The following DCHS2 variants were observed in gnomAD, a reference collection of about 807,000 sequenced individuals.
The protein encoded by DCHS2 is dachsous cadherin-related 2.
A neutral mutation model predicts 182.4 loss-of-function variants in DCHS2; 142 were observed. That is an observed-to-expected ratio of 0.78 (90% confidence interval 0.68 to 0.89). DCHS2 has a LOEUF of 0.89. DCHS2 is among the 40% of genes least tolerant of loss of function. DCHS2 has a pLI of 0.00. For missense variants in DCHS2, 4,319 were observed against 4,198.6 expected (o/e 1.03, Z -0.79); for synonymous variants, 1,740 against 1,663.3 (o/e 1.05, Z -1.12).
chr4:154,252,159 C>A (rs1732398023), intron 16 of DCHS2, among the ~76,000 whole-genome samples: 1 of 151,816 alleles, frequency 6.6e-6, no homozygotes, highest in Admixed American at 6.6e-5. Context: ...AATAGGAAAT[C>A]TTTTCTTTTT....
intron 3 of DCHS2, among the ~76,000 whole-genome samples, chr4:154,341,727 C>G (rs1314334581): frequency 1.3e-5 from 2 of 152,046 alleles, no homozygotes; most frequent in Non-Finnish European, 2.9e-5. Flanking sequence ...TTACTAGGCT[C>G]TAAGTAATTT....
At position 154,490,003 on chromosome 4, in the gene DCHS2, T is replaced by C. The variant is rs923308461; in HGVS notation, c.1353A>G (p.Glu451=). The change falls in exon 1 of 20, where the codon GAA becomes GAG. Residue 451 remains glutamate, a synonymous_variant. Coordinates refer to ENST00000357232, the MANE Select transcript of DCHS2 (RefSeq NM_001358235.2). ...VSDADGDWEK[E]DEATGELGVG... is the part of the protein sequence containing the mutation. ...CACCAAGCTCCCCTGTGGCCTCATC[T>C]TCCTTCTCCCAGTCACCGTCCGCGT... 1.9e-6 allele frequency: 3 copies of C among 1,549,492 alleles called. No individual in the cohort carries two copies. The highest frequency in any genetic ancestry group is 2.6e-6 in the Non-Finnish European group (3 of 1,146,876).
At chr4:154,365,545 C>T (rs918262022) in intron 3 of DCHS2, among the ~76,000 whole-genome samples, 4 of 151,714 alleles carry the variant, frequency 2.6e-5, no homozygotes, top group Non-Finnish European at 4.4e-5. Flanking sequence ...ATCATAGCTT[C>T]ATATCTCACT....
intron 1 of DCHS2, among the ~76,000 whole-genome samples, chr4:154,486,126 G>A (rs553823084): frequency 8.5e-5 from 13 of 152,308 alleles, no homozygotes; most frequent in Admixed American, 7.8e-4. Flanking sequence ...AAGTCCAGAC[G>A]AGTGCCTACA....
intron 1 of DCHS2, among the ~76,000 whole-genome samples, chr4:154,450,376 C>T (rs1363570680): frequency 6.6e-6 from 1 of 152,204 alleles, no homozygotes; most frequent in African/African-American, 2.4e-5. Context: ...TTCCAAAAGA[C>T]ATGCTCACAT....
At chr4:154,277,534 C>T (rs1369828313) in intron 13 of DCHS2, among the ~76,000 whole-genome samples, 3 of 150,650 alleles carry the variant, frequency 2.0e-5, no homozygotes, top group Non-Finnish European at 2.9e-5. Flanking sequence ...CCCCCAGAAT[C>T]TGTAGCCAGG....
At chr4:154,308,299 GAAGGCATGAGGAAGAGAGAAGTAAAA>G (rs891256277) in intron 10 of DCHS2, among the ~76,000 whole-genome samples, 1 of 151,612 alleles carries the variant, frequency 6.6e-6, no homozygotes, top group African/African-American at 2.4e-5. Context: ...GGGAGGGGAG[GAAGGCATGAGGAAGAGAGAAGTAAAA>G]AATAAAAGAA....
rs1731553742 is a variant in DCHS2, at chr4:154,236,987, A to T, written c.7665T>A (p.Asn2555Lys). The part of the protein sequence containing the change: ...YAPEFTVKSY[N>K]LSLSEDALVG... Reference sequence around the variant, plus strand: ...CCAGAGCATCCTCACTTAGGCTAAGATTATAGGATTTGACTGTGAATTCAG... The same window carrying T: ...CCAGAGCATCCTCACTTAGGCTAAGTTTATAGGATTTGACTGTGAATTCAG... Residue 2555 changes from asparagine (N) to lysine (K), a missense_variant, in exon 20 of 20, where the codon AAT (asparagine) becomes AAA (lysine). By Grantham distance (94) the Asn-to-Lys change is moderately conservative. Coordinates refer to ENST00000357232, the MANE Select transcript of DCHS2 (RefSeq NM_001358235.2). 2 of 1,613,906 alleles carry T rather than the reference A, an allele frequency of 1.2e-6. No individual in the cohort carries two copies. The highest frequency in any genetic ancestry group is 1.7e-5 in the Admixed American group (1 of 59,992).
intron 1 of DCHS2, among the ~76,000 whole-genome samples, chr4:154,446,585 G>T (rs140356929): frequency 2.6e-5 from 4 of 152,258 alleles, no homozygotes; most frequent in African/African-American, 9.6e-5. Flanking sequence ...GTCAGAGAGT[G>T]TTTATGACCT....
At chr4:154,414,760 C>T (rs535398797) in intron 1 of DCHS2, among the ~76,000 whole-genome samples, 126 of 152,014 alleles carry the variant, frequency 8.3e-4, no homozygotes, top group African/African-American at 2.9e-3. Flanking sequence ...TTTAGGTATT[C>T]GTGATAGAGA....
chr4:154,357,175 G>C (rs1294975637), intron 3 of DCHS2: 5 of 1,331,574 alleles, frequency 3.8e-6, no homozygotes, highest in African/African-American at 2.9e-5. Context: ...CCTTTTTGGT[G>C]AATGCTTCTG....
chr4:154,257,447 T>C (rs2111162563), intron 15 of DCHS2, among the ~76,000 whole-genome samples: 2 of 152,332 alleles, frequency 1.3e-5, no homozygotes, highest in South Asian at 4.1e-4. Context: ...ATGAATTGGC[T>C]GTAATTTGTC....
chr4:154,400,612 C>T (rs1732132924), intron 1 of DCHS2, among the ~76,000 whole-genome samples: 1 of 152,128 alleles, frequency 6.6e-6, no homozygotes, highest in African/African-American at 2.4e-5. Flanking sequence ...AAGAAGAATG[C>T]GGCTCTTCAC....
chr4:154,369,251 G>A (rs940545502), intron 2 of DCHS2, among the ~76,000 whole-genome samples: 1 of 152,150 alleles, frequency 6.6e-6, no homozygotes, highest in Non-Finnish European at 1.5e-5. Context: ...AAAAAGGGGG[G>A]AAAATGCTGA....
chr4:154,452,112 T>A (rs72969967), intron 1 of DCHS2, among the ~76,000 whole-genome samples: 11 of 152,226 alleles, frequency 7.2e-5, no homozygotes, highest in African/African-American at 2.6e-4. Flanking sequence ...AAACACAAAA[T>A]CCATAATGCC....
chr4:154,489,393 C>T lies in DCHS2; in HGVS notation c.1963G>A (p.Asp655Asn). 1.3e-6 allele frequency: 2 copies of T among 1,551,700 alleles called. No individual in the cohort carries two copies. Among genetic ancestry groups the T allele is most frequent in the Non-Finnish European group, 1.7e-6 (2 of 1,146,966 alleles). The change falls in exon 1 of 20, where the codon GAT becomes AAT. Residue 655 changes from aspartate (D) to asparagine (N), a missense_variant. By Grantham distance (23) the Asp-to-Asn change is conservative (BLOSUM62 1). Coordinates refer to ENST00000357232, the MANE Select transcript of DCHS2 (RefSeq NM_001358235.2). ...ATCLVSITVD[D>N]VNDNEPIFWR... The stretch of plus-strand genomic sequence containing the variant: ...AAGATGGGCTCATTGTCATTCACAT[C>T]ATCTACGGTGATGCTCACCAGGCAG...
intron 1 of DCHS2, among the ~76,000 whole-genome samples, chr4:154,411,361 G>A (rs918576975): frequency 4.6e-5 from 7 of 152,120 alleles, no homozygotes; most frequent in African/African-American, 7.2e-5. Context: ...TACTTTGGGA[G>A]GCCGAGGTGG....
chr4:154,445,917 T>C (rs894583766), intron 1 of DCHS2, among the ~76,000 whole-genome samples: 9 of 151,978 alleles, frequency 5.9e-5, no homozygotes, highest in African/African-American at 2.2e-4. Context: ...ATCCTCATTA[T>C]AAGAATGCAT....
At chr4:154,389,359 CAG>C (rs1731565508) in intron 1 of DCHS2, among the ~76,000 whole-genome samples, 1 of 151,754 alleles carries the variant, frequency 6.6e-6, no homozygotes, top group African/African-American at 2.4e-5. Context: ...TTTAGAAAAA[CAG>C]AGTCAACACT....
Sources: allele counts gnomAD v4.1 joint callset (sites outside exome capture counted in the v4.1 genomes callset), GRCh38; gene constraint gnomAD v4.1.1; transcripts MANE v1.5; gene names NCBI Gene and HGNC (gene_info 2026-07-23, HGNC 2026-07-21).